Variants in N4BP2L1 observed in about 807,000 individuals in gnomAD.
The protein encoded by N4BP2L1 is NEDD4 binding protein 2 like 1, also known as NEDD4-binding protein 2-like 1.
In N4BP2L1, 12 loss-of-function variants were observed where a neutral mutation model predicts 21.2. The ratio of observed to expected loss-of-function variants is 0.57; its 90% CI spans 0.36 to 0.92. The LOEUF is 0.92. Among genes scored for constraint, N4BP2L1 ranks in the 40% least tolerant of loss-of-function variants. The probability of loss-of-function intolerance (pLI) is 0.01; values close to 1 mark genes in which losing one functional copy is unlikely to be tolerated. For missense variants in N4BP2L1, 259 were observed against 310.6 expected (o/e 0.83, Z 1.25); for synonymous variants, 104 against 112.8 (o/e 0.92, Z 0.49).
At chr13:32,429,598 TGCCCGG>T (rs1446472778), upstream of N4BP2L1, among the ~76,000 whole-genome samples, 1 of 152,238 alleles carries the variant, frequency 6.6e-6, no homozygotes, top group Non-Finnish European at 1.5e-5. Flanking sequence ...AAACACGCTG[TGCCCGG>T]GCCCGGTGCA....
chr13:32,409,959 T>TGATCAAATACATACAAGGTCCA (rs1176220683), intron 1 of N4BP2L1, among the ~76,000 whole-genome samples: 4 of 151,896 alleles, frequency 2.6e-5, no homozygotes, highest in Non-Finnish European at 4.4e-5. Flanking sequence ...CAGAGAAGAG[T>TGATCAAATACATACAAGGTCCA]GATCAAATAC....
At position 32,428,130 on chromosome 13, in the gene N4BP2L1, C is replaced by T; in HGVS notation, c.-48G>A. On this transcript the variant is annotated 5_prime_UTR_variant, in exon 1 of 5. Coordinates refer to ENST00000380130, the MANE Select transcript of N4BP2L1 (RefSeq NM_052818.3). ...AGCCCCGGGTTCCCTTTACTGAAGT[C>T]ACGGTCTTGGCCAAAGCTGTTGTTT... The T allele has an allele frequency of 7.0e-7, 1 of 1,420,142 alleles. No homozygotes were observed. The highest frequency in any genetic ancestry group is 2.8e-5 in the East Asian group (1 of 36,308). The allele number at this position is 1,420,142 out of a possible 1,614,324, so 88.0% of individuals were successfully genotyped here.
intron 1 of N4BP2L1, among the ~76,000 whole-genome samples, chr13:32,408,349 T>C (rs1400081783): frequency 1.3e-5 from 2 of 152,210 alleles, no homozygotes; most frequent in Non-Finnish European, 2.9e-5. Context: ...GTTTTAATGA[T>C]GACCCGAGCC....
At chr13:32,421,837 A>T (rs2074494122) in intron 1 of N4BP2L1, among the ~76,000 whole-genome samples, 1 of 152,206 alleles carries the variant, frequency 6.6e-6, no homozygotes, top group Admixed American at 6.5e-5. Context: ...CAGTATCTTC[A>T]GATAACTTGG....
rs1044987518 is a variant in N4BP2L1 at position 32,403,139 on chromosome 13, C to T, written c.535G>A (p.Asp179Asn). The change falls in exon 5 of 5, where the codon GAT (aspartate) becomes AAT (asparagine). Residue 179 changes from aspartate to asparagine, a missense_variant. Physicochemically the swap from Asp to Asn is conservative, Grantham distance 23. This residue lies in a region of N4BP2L1 where 108 missense variants were observed against 107.8 expected (regional missense o/e 1.00). Transcript: ENST00000380130. ...IHRMKERYEH[D>N]VTFHSVLHAE... ...TGAAGCACACTGTGAAAAGTAACATCGTGTTCATACCGTTCTTTCATTCGG... is the reference window on the plus strand; with the variant it reads ...TGAAGCACACTGTGAAAAGTAACATTGTGTTCATACCGTTCTTTCATTCGG... The T allele has an allele frequency of 6.2e-6, 10 of 1,613,622 alleles. No homozygotes were observed. The highest frequency in any genetic ancestry group is 2.2e-5 in the East Asian group (1 of 44,886).
At position 32,411,530 on chromosome 13, in the gene N4BP2L1, T is replaced by C. The variant is rs956633471; in HGVS notation, c.180-3758A>G. 3 of 985,224 alleles carry C rather than the reference T, an allele frequency of 3.0e-6. No individual in the cohort carries two copies. In the African/African-American group the frequency reaches 5.2e-5, roughly 17 times the overall value. 61.0% of individuals were successfully genotyped at this position (985,224 alleles called of 1,614,324 possible). Reference sequence around the variant, plus strand: ...ACTTAAGTGGAAGCAATAAATACCATTCCATCAGCTTCAGAAGTGATGAGG... The same window carrying C: ...ACTTAAGTGGAAGCAATAAATACCACTCCATCAGCTTCAGAAGTGATGAGG... On this transcript the variant is annotated intron_variant, in intron 1 of 4. Transcript: ENST00000380130.
chr13:32,405,291 C>T (rs2073407491), intron 3 of N4BP2L1, among the ~76,000 whole-genome samples: 2 of 152,170 alleles, frequency 1.3e-5, no homozygotes, highest in Admixed American at 6.5e-5. Flanking sequence ...GGGTGAATCA[C>T]TTCAGCTCAG....
At position 32,423,910 on chromosome 13, in the gene N4BP2L1, T is replaced by C. The variant is rs2074624521; in HGVS notation, c.179+3994A>G. Among the ~76,000 whole-genome samples, 4 of 152,148 alleles carry C rather than the reference T, an allele frequency of 2.6e-5. No individual in the cohort carries two copies. The South Asian group carries it at 6.2e-4, about 24-fold the overall frequency. ...TTCCACATAATACAATGCCAGTGGA[T>C]TGTATATAAAAATGGTTTAAATGGT... is the stretch of plus-strand genomic sequence containing the variant. On this transcript the variant is annotated intron_variant, in intron 1 of 4. Coordinates refer to ENST00000380130, the MANE Select transcript of N4BP2L1 (RefSeq NM_052818.3).
At chr13:32,409,343 T>C (rs2073716085) in intron 1 of N4BP2L1, among the ~76,000 whole-genome samples, 1 of 152,244 alleles carries the variant, frequency 6.6e-6, no homozygotes, top group South Asian at 2.1e-4. Flanking sequence ...CATTTTCTTT[T>C]TTAATGAACT....
chr13:32,414,954 T>A (rs2074047225), intron 1 of N4BP2L1, among the ~76,000 whole-genome samples: 1 of 152,238 alleles, frequency 6.6e-6, no homozygotes, highest in African/African-American at 2.4e-5. Context: ...ATTACTGAAC[T>A]ACAATCTTTT....
At chr13:32,422,300 TACCCTTTCACGAGATC>T (rs373594305) in intron 1 of N4BP2L1, among the ~76,000 whole-genome samples, 68 of 152,170 alleles carry the variant, frequency 4.5e-4, no homozygotes, top group African/African-American at 1.5e-3. Flanking sequence ...CCAAACTCAT[TACCCTTTCACGAGATC>T]ACCCCCTTTC....
intron 1 of N4BP2L1, among the ~76,000 whole-genome samples, chr13:32,426,900 T>C (rs538923987): frequency 1.3e-5 from 2 of 152,248 alleles, no homozygotes; most frequent in South Asian, 4.1e-4. Flanking sequence ...GAGGGGCATA[T>C]ACTGGCGGGG....
chr13:32,401,820 G>T lies in N4BP2L1; in HGVS notation c.*1122C>A, dbSNP rs762816015. ...ATAATTTTTCACAGAACATTAGAAAGAAGCTGTTGGCCAACAAGAAATAGA... is the reference window on the plus strand; with the variant it reads ...ATAATTTTTCACAGAACATTAGAAATAAGCTGTTGGCCAACAAGAAATAGA... On this transcript the variant is annotated 3_prime_UTR_variant, in exon 5 of 5. Transcript: ENST00000380130. 22 of 539,842 alleles carry T rather than the reference G, an allele frequency of 4.1e-5. No individual in the cohort carries two copies. Among genetic ancestry groups the T allele is most frequent in the Non-Finnish European group, 5.2e-5 (22 of 422,522 alleles). The allele number at this position is 539,842 out of a possible 1,614,324, so 33.4% of individuals were successfully genotyped here.
chr13:32,412,572 A>G (rs899172554), intron 1 of N4BP2L1, among the ~76,000 whole-genome samples: 1 of 151,510 alleles, frequency 6.6e-6, no homozygotes, highest in Non-Finnish European at 1.5e-5. Flanking sequence ...AATTGCAGTG[A>G]GCCAAGACCG....
chr13:32,412,793 G>A (rs2073932168), intron 1 of N4BP2L1, among the ~76,000 whole-genome samples: 1 of 152,168 alleles, frequency 6.6e-6, no homozygotes, highest in Non-Finnish European at 1.5e-5. Context: ...CCCTAAGCAA[G>A]GTCCTTCACA....
chr13:32,405,892 C>CTTTT (rs754694153), intron 3 of N4BP2L1, among the ~76,000 whole-genome samples: 14 of 101,192 alleles, frequency 1.4e-4, no homozygotes, highest in Admixed American at 2.3e-4. Context: ...TTCCTGCCCC[C>CTTTT]TTTTTTTTTT....
At chr13:32,408,113 C>G (rs1474193094) in intron 1 of N4BP2L1, among the ~76,000 whole-genome samples, 1 of 152,190 alleles carries the variant, frequency 6.6e-6, no homozygotes, top group African/African-American at 2.4e-5. Context: ...TTCCTGGGCA[C>G]CAATCCCGGT....
At position 32,421,182 on chromosome 13, in the gene N4BP2L1, A is replaced by G. The variant is rs186193116; in HGVS notation, c.179+6722T>C. Among the ~76,000 whole-genome samples, 279 of 152,350 alleles carry G rather than the reference A, an allele frequency of 1.8e-3. 1 individual carries two copies. The highest frequency in any genetic ancestry group is 0.01 in the Middle Eastern group (3 of 294). ...TGCCTGGCCTTCTTTTAGGAGCTGG[A>G]CAGAATAAAGTTCCTGATCTCATGG... On this transcript the variant is annotated intron_variant, in intron 1 of 4. Coordinates refer to ENST00000380130, the MANE Select transcript of N4BP2L1 (RefSeq NM_052818.3).
chr13:32,407,747 C>A lies in N4BP2L1; in HGVS notation c.205G>T (p.Ala69Ser), dbSNP rs1223143992. The change falls in exon 2 of 5, where the codon GCC (alanine) becomes TCC (serine). Residue 69 changes from alanine (A) to serine (S), a missense_variant. Physicochemically the swap from Ala to Ser is moderately conservative, Grantham distance 99. This residue lies in a region of N4BP2L1 where 91 missense variants were observed against 148.1 expected (regional missense o/e 0.61). Coordinates refer to ENST00000380130, the MANE Select transcript of N4BP2L1 (RefSeq NM_052818.3). ...ARQLQHDFPR[A>S]LIFSTDDFFF... ...AAATCATCCGTGCTGAAAATCAGGG[C>A]CCTGGGAAAGTCATGCTGCAATTGT... is the stretch of plus-strand genomic sequence containing the variant. The A allele has an allele frequency of 1.9e-6, 3 of 1,601,216 alleles. No individual in the cohort carries two copies. Among genetic ancestry groups the A allele is most frequent in the Non-Finnish European group, 2.6e-6 (3 of 1,174,904 alleles).
Sources: gnomAD v4.1 joint callset for allele counts (sites outside exome capture counted in the v4.1 genomes callset) on GRCh38, gnomAD v4.1.1 for gene constraint, gnomAD v4.1.1 regional missense constraint, MANE v1.5 for transcripts, NCBI Gene and HGNC (gene_info 2026-07-23, HGNC 2026-07-21) for gene names.